Variants in TLK2 observed in about 807,000 individuals in gnomAD.
TLK2 encodes serine/threonine-protein kinase tousled-like 2.
In TLK2, 6 loss-of-function variants were observed where a neutral mutation model predicts 117.3. That is an observed-to-expected ratio of 0.05 (90% CI 0.03 to 0.10). TLK2 has a LOEUF of 0.10. Among genes scored for constraint, TLK2 ranks in the 10% least tolerant of loss-of-function variants. The pLI is 1.00. For missense variants in TLK2, 299 were observed against 901.2 expected (o/e 0.33, Z 8.56); for synonymous variants, 257 against 316.7 (o/e 0.81, Z 2.00).
intron 7 of TLK2, among the ~76,000 whole-genome samples, chr17:62,542,176 G>A (rs1036529791): frequency 6.6e-6 from 1 of 152,322 alleles, no homozygotes; most frequent in Non-Finnish European, 1.5e-5. Flanking sequence ...ATGGAGAAGC[G>A]TAAAATTCTT....
chr17:62,601,580 T>C (rs2082880852), intron 18 of TLK2, among the ~76,000 whole-genome samples: 1 of 152,244 alleles, frequency 6.6e-6, no homozygotes, highest in Admixed American at 6.5e-5. Flanking sequence ...GAATTTTCCA[T>C]AACTGAATTC....
At chr17:62,551,209 G>A (rs2078433436) in intron 7 of TLK2, among the ~76,000 whole-genome samples, 1 of 152,152 alleles carries the variant, frequency 6.6e-6, no homozygotes. Flanking sequence ...TTATACCATT[G>A]TTAATATGTT....
chr17:62,595,283 CT>C (rs770158122), intron 16 of TLK2, among the ~76,000 whole-genome samples: 4,795 of 133,322 alleles, frequency 0.036, 199 homozygotes, highest in African/African-American at 0.1. Flanking sequence ...GCCTGGCCCC[CT>C]TTTTTTTTTT....
chr17:62,595,951 T>G (rs1291992206), intron 16 of TLK2, among the ~76,000 whole-genome samples: 4 of 152,170 alleles, frequency 2.6e-5, no homozygotes, highest in African/African-American at 9.7e-5. Context: ...TAACCGTCCT[T>G]GTTATTTTAA....
chr17:62,487,838 T>C (rs1012225848), intron 2 of TLK2, among the ~76,000 whole-genome samples: 1 of 151,970 alleles, frequency 6.6e-6, no homozygotes, highest in Non-Finnish European at 1.5e-5. Flanking sequence ...GGTCAGGTTG[T>C]TCTTGAACTT....
upstream of TLK2, among the ~76,000 whole-genome samples, chr17:62,478,693 C>G (rs1406140520): frequency 8.8e-6 from 1 of 113,440 alleles, no homozygotes; most frequent in Non-Finnish European, 1.9e-5. Context: ...GACCCCCCCC[C>G]ACCTTCCTCG....
At chr17:62,482,611 G>A (rs901389546) in intron 2 of TLK2, among the ~76,000 whole-genome samples, 2 of 151,654 alleles carry the variant, frequency 1.3e-5, no homozygotes, top group Non-Finnish European at 2.9e-5. Flanking sequence ...CACCATGCCT[G>A]GTTAATTTTT....
intron 1 of TLK2, among the ~76,000 whole-genome samples, chr17:62,472,784 G>A (rs1010624627): frequency 1.6e-4 from 24 of 151,508 alleles, no homozygotes; most frequent in African/African-American, 5.8e-4. Flanking sequence ...AGAGACAGGT[G>A]GACCTGGGAG....
At chr17:62,490,274 T>A (rs1401165222) in intron 2 of TLK2, among the ~76,000 whole-genome samples, 3 of 152,242 alleles carry the variant, frequency 2.0e-5, no homozygotes, top group Admixed American at 2.0e-4. Flanking sequence ...TGTCTTTTTG[T>A]TTTCTTATCT....
At chr17:62,493,473 A>C (rs919341623) in intron 2 of TLK2, among the ~76,000 whole-genome samples, 2 of 152,252 alleles carry the variant, frequency 1.3e-5, no homozygotes, top group Admixed American at 1.3e-4. Context: ...GTAGTCTTGC[A>C]GTGCCTGCTT....
chr17:62,602,225 T>C (rs1191453309), intron 19 of TLK2, 45 bp downstream of exon 19: 11 of 1,593,626 alleles, frequency 6.9e-6, no homozygotes, highest in Non-Finnish European at 7.7e-6. Context: ...GAGATGTGGC[T>C]CTGCTATGCT....
intron 2 of TLK2, among the ~76,000 whole-genome samples, chr17:62,484,691 G>A (rs1283006296): frequency 3.3e-5 from 5 of 152,100 alleles, no homozygotes; most frequent in Admixed American, 3.3e-4. Flanking sequence ...TGGGAGAAAA[G>A]GGTGCTTTTG....
rs868334494 is a variant in TLK2, at chr17:62,479,161, G to T, written c.-135G>T. 40 of 151,214 alleles carry T rather than the reference G, an allele frequency of 2.6e-4. No individual in the cohort carries two copies. In the South Asian group the frequency reaches 3.3e-3, roughly 13 times the overall value. The allele number at this position is 151,214 out of a possible 1,614,324, so 9.4% of individuals were successfully genotyped here. On this transcript the variant is annotated 5_prime_UTR_variant, in exon 1 of 22. Transcript: ENST00000346027. ...CCGGCGGCGGCTGCCCGGGCGGGGG[G>T]TTGCGGCGCTCAGGAGAGGCCCCGG...
chr17:62,513,965 G>A (rs577724679), intron 2 of TLK2, among the ~76,000 whole-genome samples: 3 of 152,164 alleles, frequency 2.0e-5, no homozygotes, highest in Non-Finnish European at 2.9e-5. Flanking sequence ...GGGATTACAG[G>A]TGTGAGCCCA....
chr17:62,476,380 G>A (rs1288502006), upstream of TLK2, among the ~76,000 whole-genome samples: 8 of 150,884 alleles, frequency 5.3e-5, no homozygotes, highest in African/African-American at 1.2e-4. Context: ...TCAGGAGTTC[G>A]AGACCAGTCT....
At chr17:62,478,545 GTCAGCCGGCGCCGCCCGTCGCCCGCCC>G, upstream of TLK2, among the ~76,000 whole-genome samples, 1 of 149,862 alleles carries the variant, frequency 6.7e-6, no homozygotes, top group South Asian at 2.1e-4. Context: ...GTTGCGGCCC[GTCAGCCGGCGCCGCCCGTCGCCCGCCC>G]TCAGCCGTCC....
chr17:62,605,242 G>A (rs993802187), intron 19 of TLK2, among the ~76,000 whole-genome samples: 18 of 152,156 alleles, frequency 1.2e-4, no homozygotes, highest in African/African-American at 3.4e-4. Context: ...CAGGAGAATC[G>A]CTTGAACCTG....
chr17:62,512,677 A>G (rs905403160), intron 2 of TLK2, among the ~76,000 whole-genome samples: 5 of 151,840 alleles, frequency 3.3e-5, no homozygotes, highest in Non-Finnish European at 1.5e-5. Context: ...CTTACTCTGT[A>G]CTTTTGATGA....
intron 2 of TLK2, among the ~76,000 whole-genome samples, chr17:62,512,861 A>AATTATTATTATTATTATT (rs35048188): frequency 3.5e-5 from 5 of 141,158 alleles, no homozygotes; most frequent in South Asian, 2.3e-4. Context: ...AAAATTTATT[A>AATTATTATTATTATTATT]ATTATTATTA....
Sources: allele counts gnomAD v4.1 joint callset (sites outside exome capture counted in the v4.1 genomes callset), GRCh38; gene constraint gnomAD v4.1.1; transcripts MANE v1.5; gene names NCBI Gene and HGNC (gene_info 2026-07-23, HGNC 2026-07-21).